Variants in TM9SF3 observed in about 807,000 individuals in gnomAD.
TM9SF3 encodes the protein transmembrane 9 superfamily member 3, also known as SM-11044-binding protein.
A neutral mutation model predicts 78.6 loss-of-function variants in TM9SF3; 14 were observed. That is an observed-to-expected ratio of 0.18 (90% CI 0.12 to 0.28). The LOEUF is 0.28. TM9SF3 is among the 10% of genes least tolerant of loss of function. The pLI is 1.00. For synonymous variants in TM9SF3, 231 were observed against 241.7 expected, an observed-to-expected ratio of 0.96 and a Z score of 0.41; for missense variants, 496 against 721.9, an observed-to-expected ratio of 0.69 and a Z score of 3.59.
intron 2 of TM9SF3, 156 bp downstream of exon 2, chr10:96,576,478 G>T (rs1361116435): frequency 6.8e-6 from 4 of 584,054 alleles, no homozygotes; most frequent in African/African-American, 5.8e-5. Context: ...CTGGCATCTG[G>T]GGGGTACAGG....
Position 96,547,977 on chromosome 10 carries a change from C to A in TM9SF3, c.972G>T (p.Met324Ile). Residue 324 changes from methionine to isoleucine, a missense_variant, in exon 8 of 15, where the codon ATG becomes ATT. By Grantham distance (10) the Met-to-Ile change is conservative (BLOSUM62 1). Transcript: ENST00000371142. ...CATAGACAAATATGGCTGTACTGAG[C>A]ATTGATCCCCTCCTAAAAAGGCAAA... ...IEDLYTERGS[M>I]LSTAIFVYAA... 1 of 1,591,478 alleles carries A rather than the reference C, an allele frequency of 6.3e-7. No individual in the cohort carries two copies. Among genetic ancestry groups the A allele is most frequent in the Non-Finnish European group, 8.5e-7 (1 of 1,172,644 alleles).
intron 5 of TM9SF3, among the ~76,000 whole-genome samples, chr10:96,558,208 T>C (rs1466047903): frequency 6.6e-6 from 1 of 152,096 alleles, no homozygotes; most frequent in Non-Finnish European, 1.5e-5. Context: ...ATCTAAATCT[T>C]GAAATTATCT....
At chr10:96,565,023 GAAGA>G (rs1037929657) in intron 3 of TM9SF3, among the ~76,000 whole-genome samples, 8 of 152,086 alleles carry the variant, frequency 5.3e-5, no homozygotes, top group Non-Finnish European at 1.0e-4. Context: ...AATGGAAGCA[GAAGA>G]AATTTTTAGA....
chr10:96,574,912 C>T (rs551408407), intron 2 of TM9SF3, among the ~76,000 whole-genome samples: 39 of 152,094 alleles, frequency 2.6e-4, no homozygotes, highest in Admixed American at 4.6e-4. Context: ...ATCACACACC[C>T]GGCCCTGTCA....
chr10:96,573,775 T>G (rs1049882201), intron 2 of TM9SF3, among the ~76,000 whole-genome samples: 7 of 152,002 alleles, frequency 4.6e-5, no homozygotes, highest in Non-Finnish European at 8.8e-5. Flanking sequence ...ACACCACACA[T>G]CTACAACCAT....
At chr10:96,526,659 A>G (rs1847841413) in intron 14 of TM9SF3, among the ~76,000 whole-genome samples, 2 of 152,134 alleles carry the variant, frequency 1.3e-5, no homozygotes, top group Admixed American at 1.3e-4. Context: ...CAAGGTGGAA[A>G]GCATACATAT....
chr10:96,559,744 A>G lies in TM9SF3; in HGVS notation c.583-8T>C. 1 of 1,544,196 alleles carries G rather than the reference A, an allele frequency of 6.5e-7. No homozygotes were observed. The highest frequency in any genetic ancestry group is 8.8e-7 in the Non-Finnish European group (1 of 1,139,148). ...TGACTTTTTCCATTTTACCTAAAAAAAATTTTTTCATTTGAAAATAAAGGC... is the reference window on the plus strand; with the variant it reads ...TGACTTTTTCCATTTTACCTAAAAAGAATTTTTTCATTTGAAAATAAAGGC... On this transcript the variant is annotated splice_region_variant and splice_polypyrimidine_tract_variant and intron_variant, in intron 4 of 14. Transcript: ENST00000371142.
At chr10:96,564,594 A>G (rs1848348606) in intron 3 of TM9SF3, among the ~76,000 whole-genome samples, 1 of 152,238 alleles carries the variant, frequency 6.6e-6, no homozygotes, top group African/African-American at 2.4e-5. Flanking sequence ...TTGATAGTTT[A>G]CTGCTCATGA....
intron 10 of TM9SF3, 28 bp from the exon 11 acceptor site, chr10:96,530,636 C>G (rs761135691): frequency 4.4e-6 from 7 of 1,574,004 alleles, no homozygotes; most frequent in Non-Finnish European, 6.1e-6. Context: ...TAATAGTAAA[C>G]TTCTAGTATG....
rs139767404 is a variant in TM9SF3, at chr10:96,518,593, T to C, written c.*3670A>G. 1.3e-5 allele frequency: 2 copies of C among 152,284 alleles called. No individual in the cohort carries two copies. Among genetic ancestry groups the C allele is most frequent in the East Asian group, 3.8e-4 (2 of 5,196 alleles). 9.4% of individuals were successfully genotyped at this position (152,284 alleles called of 1,614,324 possible). On this transcript the variant is annotated 3_prime_UTR_variant, in exon 15 of 15. Transcript: ENST00000371142. Reference sequence around the variant, plus strand: ...TCCTAACAGTGGAATAATAACTTAATTTTGTTTACTTTTGTCTTTGTAGAT... The same window carrying C: ...TCCTAACAGTGGAATAATAACTTAACTTTGTTTACTTTTGTCTTTGTAGAT...
At chr10:96,532,936 C>A in intron 10 of TM9SF3, 115 bp downstream of exon 10, 1 of 1,325,440 alleles carries the variant, frequency 7.5e-7, no homozygotes. Context: ...TAGGCTCAAA[C>A]TTAAGATTGT....
At chr10:96,562,268 T>C in intron 3 of TM9SF3, 130 bp from the exon 4 acceptor site, 1 of 696,874 alleles carries the variant, frequency 1.4e-6, no homozygotes, top group Non-Finnish European at 2.3e-6. Context: ...CTGGCCACTC[T>C]TGACTCTCCC....
At chr10:96,576,975 G>T in intron 1 of TM9SF3, 146 bp from the exon 2 acceptor site, 2 of 567,194 alleles carry the variant, frequency 3.5e-6, no homozygotes, top group Non-Finnish European at 5.6e-6. Context: ...ATCTGATGAT[G>T]AATGTCCACA....
chr10:96,519,571 T>C lies in TM9SF3; in HGVS notation c.*2692A>G, dbSNP rs1359051690. ...CATGCTTAAAGATACACAAGGAATGTTTAGCCTTAGTTTTTGATAGTATTA... is the reference window on the plus strand; with the variant it reads ...CATGCTTAAAGATACACAAGGAATGCTTAGCCTTAGTTTTTGATAGTATTA... On this transcript the variant is annotated 3_prime_UTR_variant, in exon 15 of 15. Transcript: ENST00000371142. 1 of 151,990 alleles carries C rather than the reference T, an allele frequency of 6.6e-6. No homozygotes were observed. Among genetic ancestry groups the C allele is most frequent in the East Asian group, 1.9e-4 (1 of 5,198 alleles). 9.4% of individuals were successfully genotyped at this position (151,990 alleles called of 1,614,324 possible).
rs765289525 is a variant in TM9SF3, at chr10:96,562,023, T to G, written c.537A>C (p.Gly179=). The change falls in exon 4 of 15, where the codon GGA becomes GGC. Residue 179 remains glycine, a synonymous_variant. Transcript: ENST00000371142. ...RIVDVNLTSE[G]KVKLVPNTKI... is the part of the protein sequence containing the mutation. ...TAGTATTTGGAACCAGTTTCACCTTTCCTTCACTAGTTAGATTAACATCAA... is the reference window on the plus strand; with the variant it reads ...TAGTATTTGGAACCAGTTTCACCTTGCCTTCACTAGTTAGATTAACATCAA... 2 of 1,613,230 alleles carry G rather than the reference T, an allele frequency of 1.2e-6. No homozygotes were observed. The highest frequency in any genetic ancestry group is 3.3e-5 in the Admixed American group (2 of 59,800).
At chr10:96,548,430 T>A (rs1412426218) in intron 7 of TM9SF3, among the ~76,000 whole-genome samples, 1 of 152,200 alleles carries the variant, frequency 6.6e-6, no homozygotes, top group Non-Finnish European at 1.5e-5. Flanking sequence ...AAAACAGTAG[T>A]ATAATCTATA....
rs1847781557 is a variant in TM9SF3, at chr10:96,521,998, G to A, written c.*265C>T. The A allele has an allele frequency of 5.0e-6, 2 of 402,326 alleles. No individual in the cohort carries two copies. Among genetic ancestry groups the A allele is most frequent in the Non-Finnish European group, 8.8e-6 (2 of 226,776 alleles). The allele number at this position is 402,326 out of a possible 1,614,324, so 24.9% of individuals were successfully genotyped here. On this transcript the variant is annotated 3_prime_UTR_variant, in exon 15 of 15. Transcript: ENST00000371142. Reference sequence around the variant, plus strand: ...GGTCTATTTCATCTTTAATGAGCTAGTTTTTGGGAAGATTAGCCATGTACT... The same window carrying A: ...GGTCTATTTCATCTTTAATGAGCTAATTTTTGGGAAGATTAGCCATGTACT...
At position 96,565,785 on chromosome 10, in the gene TM9SF3, C is replaced by A. The variant is rs148276776; in HGVS notation, c.299-359G>T. ...TAACAAAGTTTTTATTTAATATATA[C>A]AAAAGCTCAAGAATATGGTCATAAA... is the stretch of plus-strand genomic sequence containing the variant. On this transcript the variant is annotated intron_variant, in intron 2 of 14. Transcript: ENST00000371142. Among the ~76,000 whole-genome samples the A allele has an allele frequency of 2.2e-3, 331 of 151,994 alleles. 2 individuals are homozygous for A. Among genetic ancestry groups the A allele is most frequent in the Non-Finnish European group, 3.9e-3 (263 of 67,934 alleles).
chr10:96,524,511 TC>T (rs1847816905), intron 14 of TM9SF3, among the ~76,000 whole-genome samples: 1 of 151,884 alleles, frequency 6.6e-6, no homozygotes, highest in African/African-American at 2.4e-5. Flanking sequence ...ATGCTTAAAA[TC>T]AAAACAGTTT....
Sources: allele counts gnomAD v4.1 joint callset (sites outside exome capture counted in the v4.1 genomes callset), GRCh38; gene constraint gnomAD v4.1.1; transcripts MANE v1.5; gene names NCBI Gene and HGNC (gene_info 2026-07-23, HGNC 2026-07-21).